Variants in KIAA1210 observed in about 807,000 individuals in gnomAD.
KIAA1210 encodes the protein KIAA1210.
KIAA1210 carries 48 observed loss-of-function variants against 78.9 expected under a neutral mutation model. The observed-to-expected ratio is 0.61, with a 90% confidence interval of 0.48 to 0.77. The LOEUF is 0.77. Ranked by LOEUF, KIAA1210 falls within the 30% of genes least tolerant of loss-of-function variation. The pLI is 0.00. For missense variants in KIAA1210, 1,108 were observed against 1,100.0 expected, an observed-to-expected ratio of 1.01 and a Z score of -0.10; for synonymous variants, 406 against 404.5, an observed-to-expected ratio of 1.00 and a Z score of -0.04.
rs185125495 is a variant in KIAA1210 at position 119,105,018 on chromosome X, G to T, written c.622C>A (p.Pro208Thr). Residue 208 changes from proline (P) to threonine (T), a missense_variant, in exon 6 of 12, where the codon CCA becomes ACA. By Grantham distance (38) the Pro-to-Thr change is conservative. This residue lies in a region of KIAA1210 where 672 missense variants were observed against 607.1 expected (regional missense o/e 1.11). Coordinates refer to ENST00000691062, the MANE Select transcript of KIAA1210 (RefSeq NM_001394962.1). The part of the protein sequence containing the change: ...SPKNPQKKAL[P>T]HKSLTATQSF... ...TGAGTCGCTGTCAAACTCTTATGTG[G>T]TAAAGCCTTCTTTTGTGGATTCTTA... is the stretch of plus-strand genomic sequence containing the variant. 39 of 1,207,740 alleles carry T rather than the reference G, an allele frequency of 3.2e-5. No individual in the cohort carries two copies. The Admixed American group carries it at 6.2e-4, about 19-fold the overall frequency.
intron 8 of KIAA1210, among the ~76,000 whole-genome samples, chrX:119,091,178 A>G (rs1927356466): frequency 8.9e-6 from 1 of 112,650 alleles, no homozygotes; most frequent in African/African-American, 3.2e-5. Flanking sequence ...ACAACGCGAT[A>G]TCATCTTACC....
At chrX:119,109,329 A>G in intron 3 of KIAA1210, 127 bp from the exon 4 acceptor site, 1 of 631,207 alleles carries the variant, frequency 1.6e-6, no homozygotes, top group South Asian at 3.3e-5. Context: ...ATGTGCTGAC[A>G]TAGAAAGTGG....
chrX:119,083,077 G>A lies in KIAA1210; in HGVS notation c.4364C>T (p.Thr1455Ile). 2.5e-6 allele frequency: 3 copies of A among 1,208,877 alleles called. No homozygotes were observed. The highest frequency in any genetic ancestry group is 3.4e-6 in the Non-Finnish European group (3 of 894,296). Residue 1455 changes from threonine to isoleucine, a missense_variant, in exon 11 of 12, where the codon ACT (threonine) becomes ATT (isoleucine). Thr to Ile is a moderately conservative substitution (Grantham distance 89, BLOSUM62 -1). Around this residue, in one of 5 missense-constraint regions of KIAA1210, gnomAD observed 245 missense variants for 278.8 expected, o/e 0.88. Coordinates refer to ENST00000691062, the MANE Select transcript of KIAA1210 (RefSeq NM_001394962.1). ...ANENQPKKMFTSSVHKQEKTA... is the reference protein window; with the variant it reads ...ANENQPKKMFISSVHKQEKTA... ...CTTCTCCTGTTTATGGACACTGGAA[G>A]TGAACATCTTTTTAGGTTGGTTTTC...
intron 5 of KIAA1210, 56 bp downstream of exon 5, chrX:119,108,281 A>G: frequency 9.0e-7 from 1 of 1,110,418 alleles, no homozygotes; most frequent in Non-Finnish European, 1.2e-6. Context: ...GAATTCAAGC[A>G]TAGATCTGTC....
At chrX:119,105,193 C>T in intron 5 of KIAA1210, 46 bp from the exon 6 acceptor site, 7 of 1,108,697 alleles carry the variant, frequency 6.3e-6, no homozygotes, top group Non-Finnish European at 8.4e-6. Context: ...CCTGTGCTCT[C>T]TTCCTCAAAT....
rs1233591953 is a variant in KIAA1210, at chrX:119,079,649, C to T, written c.*1680G>A. The T allele has an allele frequency of 1.8e-5, 2 of 111,512 alleles. No homozygotes were observed. Among genetic ancestry groups the T allele is most frequent in the Non-Finnish European group, 3.8e-5 (2 of 53,067 alleles). 9.2% of individuals were successfully genotyped at this position (111,512 alleles called of 1,213,427 possible). A position where few individuals can be genotyped will look rare whatever the true frequency, so the allele number is the denominator to read the frequency against. On this transcript the variant is annotated 3_prime_UTR_variant, in exon 12 of 12. Transcript: ENST00000691062. ...TGTGGCAAGATGGGAAGGGAGGCAT[C>T]AACATTTGCTGGGCCACTTGCCCCC...
At chrX:119,135,299 A>G (rs762543000) in intron 2 of KIAA1210, among the ~76,000 whole-genome samples, 15 of 112,281 alleles carry the variant, frequency 1.3e-4, no homozygotes, top group Admixed American at 1.2e-3. Context: ...AGAATAGTTC[A>G]CCAGGCCATT....
At chrX:119,105,219 ATTC>A (rs1927858888) in intron 5 of KIAA1210, 72 bp from the exon 6 acceptor site, 3 of 1,018,911 alleles carry the variant, frequency 2.9e-6, no homozygotes, top group Non-Finnish European at 2.6e-6. Flanking sequence ...GTTTTCTCTT[ATTC>A]TTTAATAAGA....
chrX:119,136,600 G>A (rs1403644890), intron 2 of KIAA1210, among the ~76,000 whole-genome samples: 1 of 111,820 alleles, frequency 8.9e-6, no homozygotes, highest in Non-Finnish European at 1.9e-5. Flanking sequence ...GCTGAGGCCA[G>A]AGGATCACTT....
intron 8 of KIAA1210, among the ~76,000 whole-genome samples, chrX:119,091,172 C>T (rs938661853): frequency 1.4e-4 from 16 of 112,253 alleles, no homozygotes; most frequent in South Asian, 3.7e-4. Context: ...TGAAACACAA[C>T]GCGATATCAT....
chrX:119,097,792 C>G (rs1927603216), intron 6 of KIAA1210, among the ~76,000 whole-genome samples: 1 of 111,768 alleles, frequency 8.9e-6, no homozygotes, highest in African/African-American at 3.3e-5. Flanking sequence ...ATCCTGCAGA[C>G]CATTCAGTTT....
chrX:119,131,553 A>G (rs777747581), upstream of KIAA1210, among the ~76,000 whole-genome samples: 1 of 112,625 alleles, frequency 8.9e-6, no homozygotes, highest in Admixed American at 9.4e-5. Context: ...ACCTAAAATA[A>G]AAGTTGAAAA....
upstream of KIAA1210, among the ~76,000 whole-genome samples, chrX:119,131,743 G>A (rs954307718): frequency 8.9e-6 from 1 of 112,034 alleles, no homozygotes; most frequent in Non-Finnish European, 1.9e-5. Context: ...GTGGCCTCTA[G>A]TAGCTGAGAG....
At chrX:119,115,604 T>G (rs190788385) in intron 3 of KIAA1210, among the ~76,000 whole-genome samples, 1 of 112,223 alleles carries the variant, frequency 8.9e-6, no homozygotes, top group African/African-American at 3.2e-5. Context: ...GGGGACAGTA[T>G]AACATGTCAG....
chrX:119,107,594 T>C (rs1306610850), intron 5 of KIAA1210, among the ~76,000 whole-genome samples: 1 of 112,267 alleles, frequency 8.9e-6, no homozygotes, highest in African/African-American at 3.2e-5. Context: ...TCAACACCAT[T>C]AGTGTCTATC....
In KIAA1210 at chrX:119,079,000, T is replaced by A. The variant is rs1327371747; in HGVS notation, c.*2329A>T. The A allele has an allele frequency of 8.9e-6, 1 of 112,754 alleles. No homozygotes were observed. Among genetic ancestry groups the A allele is most frequent in the East Asian group, 2.8e-4 (1 of 3,621 alleles). The allele number at this position is 112,754 out of a possible 1,213,427, so 9.3% of individuals were successfully genotyped here. On this transcript the variant is annotated 3_prime_UTR_variant, in exon 12 of 12. Transcript: ENST00000691062. ...CAGGAGTACCCAGATAAAGGGCATC[T>A]ACCTTAATATATTGTTCACTATGGG...
At chrX:119,138,470 T>TAGCACTCAG (rs2147198270) in intron 2 of KIAA1210, among the ~76,000 whole-genome samples, 2 of 111,034 alleles carry the variant, frequency 1.8e-5, no homozygotes, top group South Asian at 7.7e-4. Flanking sequence ...CTGTCCGCCT[T>TAGCACTCAG]GGCCTCCAAA....
chrX:119,132,091 C>T (rs1312336288), upstream of KIAA1210, among the ~76,000 whole-genome samples: 1 of 111,039 alleles, frequency 9.0e-6, no homozygotes, highest in African/African-American at 3.3e-5. Flanking sequence ...AATCAGGAAC[C>T]TCAGCCCTAT....
chrX:119,095,506 A>G (rs12852120), intron 7 of KIAA1210, among the ~76,000 whole-genome samples: 1,298 of 111,356 alleles, frequency 0.012, 20 homozygotes, highest in African/African-American at 0.04. Flanking sequence ...CTCCTGCCTC[A>G]GCCTCCAGAG....
Sources: allele counts gnomAD v4.1 joint callset (sites outside exome capture counted in the v4.1 genomes callset), GRCh38; gene constraint gnomAD v4.1.1; regional missense constraint gnomAD v4.1.1; transcripts MANE v1.5; gene names NCBI Gene and HGNC (gene_info 2026-07-23, HGNC 2026-07-21).